Variants in ADAMTS12 observed in about 807,000 individuals in gnomAD.
ADAMTS12 encodes the protein ADAM metallopeptidase with thrombospondin type 1 motif 12.
ADAMTS12 carries 118 observed loss-of-function variants against 167.8 expected under a neutral mutation model. The ratio of observed to expected loss-of-function variants is 0.70; its 90% CI spans 0.61 to 0.82. The LOEUF (loss-of-function observed/expected upper bound fraction) is 0.82, where lower values mean the gene tolerates loss of function less well. ADAMTS12 is among the 40% of genes least tolerant of loss of function. The pLI, the probability that ADAMTS12 is intolerant of heterozygous loss-of-function variation, is 0.00. For missense variants in ADAMTS12, 1,916 were observed against 1,998.8 expected (o/e 0.96, Z 0.79); for synonymous variants, 704 against 716.9 (o/e 0.98, Z 0.29).
At chr5:33,608,125 C>G (rs544375833) in intron 16 of ADAMTS12, among the ~76,000 whole-genome samples, 1 of 152,252 alleles carries the variant, frequency 6.6e-6, no homozygotes, top group South Asian at 2.1e-4. Context: ...ACACTTTGCC[C>G]TATGCATCTC....
chr5:33,835,907 A>ATCTCTCCTCTCTCTCTCTCTCTC (rs1748488806), intron 2 of ADAMTS12, among the ~76,000 whole-genome samples: 1 of 111,800 alleles, frequency 8.9e-6, no homozygotes, highest in African/African-American at 4.4e-5. Context: ...GATAATATCC[A>ATCTCTCCTCTCTCTCTCTCTCTC]TCTCTCTCTC....
intron 2 of ADAMTS12, among the ~76,000 whole-genome samples, chr5:33,876,011 T>C (rs1750212640): frequency 1.3e-5 from 2 of 152,164 alleles, no homozygotes; most frequent in South Asian, 4.1e-4. Flanking sequence ...TGTGTTTACA[T>C]ACTAGCAATA....
At chr5:33,624,096 T>C (rs1739463255) in intron 14 of ADAMTS12, 135 bp downstream of exon 14, 1 of 1,355,102 alleles carries the variant, frequency 7.4e-7, no homozygotes, top group Non-Finnish European at 1.0e-6. Context: ...TGGTAAAGGC[T>C]ATATTCCATT....
At chr5:33,782,494 T>C (rs967701720) in intron 2 of ADAMTS12, among the ~76,000 whole-genome samples, 2 of 151,868 alleles carry the variant, frequency 1.3e-5, no homozygotes, top group Admixed American at 6.6e-5. Flanking sequence ...AAAACAGAGA[T>C]TGTCATATAA....
At chr5:33,712,436 G>A (rs1386870106) in intron 3 of ADAMTS12, among the ~76,000 whole-genome samples, 2 of 152,130 alleles carry the variant, frequency 1.3e-5, no homozygotes, top group African/African-American at 4.8e-5. Context: ...GCATAGATAG[G>A]AAGAGCAGCA....
rs753852373 is a variant in ADAMTS12 at position 33,527,246 on chromosome 5, A to G, written c.4727T>C (p.Ile1576Thr). 6.2e-7 allele frequency: 1 copy of G among 1,613,736 alleles called. No homozygotes were observed. Among genetic ancestry groups the G allele is most frequent in the South Asian group, 1.1e-5 (1 of 91,026 alleles). The change falls in exon 24 of 24, where the codon ATC (isoleucine) becomes ACC (threonine). Residue 1576 changes from isoleucine (I) to threonine (T), a missense_variant. Coordinates refer to ENST00000504830, the MANE Select transcript of ADAMTS12 (RefSeq NM_030955.4). ...ECCFSCPQTH[I>T]THTQRQRRQR... ...CCTTCTTTGCCTTTGGGTGTGTGTG[A>G]TGTGTGTCTGGGGACACGAGAAGCA...
chr5:33,874,531 CA>C (rs1464584215), intron 2 of ADAMTS12, among the ~76,000 whole-genome samples: 15 of 152,196 alleles, frequency 9.9e-5, no homozygotes, highest in Non-Finnish European at 1.6e-4. Flanking sequence ...CTGCTTCTTA[CA>C]AGACTAAACA....
chr5:33,889,184 C>T (rs1234905912), intron 1 of ADAMTS12, among the ~76,000 whole-genome samples: 1 of 152,080 alleles, frequency 6.6e-6, no homozygotes, highest in Non-Finnish European at 1.5e-5. Flanking sequence ...CATGATGGCT[C>T]ATTCCTGTAA....
intron 2 of ADAMTS12, among the ~76,000 whole-genome samples, chr5:33,797,919 C>G (rs1746842586): frequency 6.6e-6 from 1 of 152,080 alleles, no homozygotes; most frequent in Admixed American, 6.6e-5. Flanking sequence ...TAGCAAAGTA[C>G]TAACATAAAA....
chr5:33,630,673 G>T, intron 13 of ADAMTS12, 107 bp downstream of exon 13: 2 of 1,197,114 alleles, frequency 1.7e-6, no homozygotes, highest in Non-Finnish European at 2.3e-6. Flanking sequence ...ATAAAAAACA[G>T]ATGAGGTGTA....
chr5:33,641,983 C>A (rs745420559), intron 10 of ADAMTS12, 28 bp from the exon 11 acceptor site: 2 of 1,584,216 alleles, frequency 1.3e-6, no homozygotes, highest in Admixed American at 3.4e-5. Context: ...AGGAGATGGC[C>A]GTATCAGGAA....
chr5:33,692,670 C>T (rs2112279879), intron 3 of ADAMTS12, among the ~76,000 whole-genome samples: 1 of 152,212 alleles, frequency 6.6e-6, no homozygotes, highest in Middle Eastern at 3.4e-3. Flanking sequence ...GTCCGTAATC[C>T]TAGGTGTGGG....
chr5:33,658,468 GA>G, intron 6 of ADAMTS12, 135 bp from the exon 7 acceptor site: 2 of 958,488 alleles, frequency 2.1e-6, no homozygotes, highest in Non-Finnish European at 1.5e-6. Flanking sequence ...AAGTCTACAT[GA>G]ATGTAGGCAG....
At chr5:33,609,273 T>C (rs150024787) in intron 16 of ADAMTS12, among the ~76,000 whole-genome samples, 229 of 152,112 alleles carry the variant, frequency 1.5e-3, no homozygotes, top group Middle Eastern at 6.8e-3. Context: ...TAGGATCATA[T>C]CTACATATAG....
intron 16 of ADAMTS12, among the ~76,000 whole-genome samples, chr5:33,605,575 T>C (rs72739415): frequency 0.014 from 2,111 of 152,266 alleles, 17 homozygotes; most frequent in Non-Finnish European, 0.021. Context: ...GTGAGTGATG[T>C]TGAATAAAGT....
chr5:33,611,656 T>C (rs773803136), intron 16 of ADAMTS12, among the ~76,000 whole-genome samples: 1 of 152,090 alleles, frequency 6.6e-6, no homozygotes, highest in Non-Finnish European at 1.5e-5. Context: ...GAGGAGACCA[T>C]TTTTTTACAC....
rs1328464475 is a variant in ADAMTS12, at chr5:33,576,511, C to T, written c.3515G>A (p.Ser1172Asn). The T allele has an allele frequency of 3.7e-6, 6 of 1,611,430 alleles. No homozygotes were observed. Among genetic ancestry groups the T allele is most frequent in the Middle Eastern group, 3.3e-4 (2 of 6,032 alleles). Reference protein sequence around the residue: ...EREQPEDKDESNPVIWTKIRV... With the variant: ...EREQPEDKDENNPVIWTKIRV... Reference sequence around the variant, plus strand: ...GATCTTGGTCCATATTACAGGATTGCTTTCATCTTTGTCCTCAGGCTGTTC... The same window carrying T: ...GATCTTGGTCCATATTACAGGATTGTTTTCATCTTTGTCCTCAGGCTGTTC... The change falls in exon 19 of 24, where the codon AGC (serine) becomes AAC (asparagine). Residue 1172 changes from serine (S) to asparagine (N), a missense_variant. Ser to Asn is a conservative substitution (Grantham distance 46). Transcript: ENST00000504830.
At chr5:33,722,750 G>A (rs909362556) in intron 3 of ADAMTS12, among the ~76,000 whole-genome samples, 1 of 152,116 alleles carries the variant, frequency 6.6e-6, no homozygotes, top group South Asian at 2.1e-4. Context: ...TCTCACAGCC[G>A]GTGAGTCAAA....
At chr5:33,589,064 C>T (rs1032842281) in intron 17 of ADAMTS12, among the ~76,000 whole-genome samples, 1 of 152,192 alleles carries the variant, frequency 6.6e-6, no homozygotes, top group Admixed American at 6.5e-5. Flanking sequence ...TATATGCATG[C>T]CCTCTCTTTT....
Sources: allele counts gnomAD v4.1 joint callset (sites outside exome capture counted in the v4.1 genomes callset), GRCh38; gene constraint gnomAD v4.1.1; transcripts MANE v1.5; gene names NCBI Gene and HGNC (gene_info 2026-07-23, HGNC 2026-07-21).